The following RANBP17 variants were observed in gnomAD, a reference collection of about 807,000 sequenced individuals.
The protein encoded by RANBP17 is RAN binding protein 17, also known as ran-binding protein 17.
RANBP17 carries 158 observed loss-of-function variants against 141.2 expected under a neutral mutation model. That is an observed-to-expected ratio of 1.12 (90% CI 0.98 to 1.28). The LOEUF (loss-of-function observed/expected upper bound fraction) is 1.28, where lower values mean the gene tolerates loss of function less well. Among genes scored for constraint, RANBP17 ranks in the 50% most tolerant of loss-of-function variants. The pLI, the probability that RANBP17 is intolerant of heterozygous loss-of-function variation, is 0.00. For synonymous variants in RANBP17, 430 were observed against 450.0 expected (o/e 0.96, Z 0.56); for missense variants, 1,438 against 1,290.7 (o/e 1.11, Z -1.75).
intron 14 of RANBP17, among the ~76,000 whole-genome samples, chr5:170,974,339 T>A (rs76595888): frequency 0.013 from 1,987 of 152,308 alleles, 46 homozygotes; most frequent in African/African-American, 0.045. Flanking sequence ...ATGACAGGTC[T>A]TGAACACGTC....
chr5:171,028,240 A>T (rs924684255), intron 14 of RANBP17, among the ~76,000 whole-genome samples: 2 of 152,122 alleles, frequency 1.3e-5, no homozygotes, highest in Admixed American at 1.3e-4. Flanking sequence ...TGTAAGAAAG[A>T]CACATTATAT....
intron 14 of RANBP17, among the ~76,000 whole-genome samples, chr5:171,138,588 T>G (rs1757475670): frequency 6.6e-6 from 1 of 150,922 alleles, no homozygotes; most frequent in South Asian, 2.1e-4. Context: ...TAGTGCAGGC[T>G]TAGAGAACGA....
At chr5:170,966,992 G>A (rs572316561) in intron 13 of RANBP17, among the ~76,000 whole-genome samples, 4 of 152,244 alleles carry the variant, frequency 2.6e-5, no homozygotes, top group Middle Eastern at 3.4e-3. Flanking sequence ...TACAAGGGAC[G>A]TGAAGGACCT....
chr5:170,976,327 C>G (rs1327467768), intron 14 of RANBP17, among the ~76,000 whole-genome samples: 1 of 152,010 alleles, frequency 6.6e-6, no homozygotes, highest in Non-Finnish European at 1.5e-5. Context: ...ATTGTTGAAA[C>G]AAATTAAAGG....
intron 25 of RANBP17, among the ~76,000 whole-genome samples, chr5:171,291,068 C>T (rs1252907044): frequency 1.3e-5 from 2 of 152,224 alleles, no homozygotes; most frequent in South Asian, 2.1e-4. Context: ...TGATTGGCTC[C>T]AAAGCCTGGC....
chr5:171,081,210 C>T lies in RANBP17; in HGVS notation c.1711-88920C>T, dbSNP rs114191037. Among the ~76,000 whole-genome samples, 1,163 of 152,206 alleles carry T rather than the reference C, an allele frequency of 7.6e-3. 13 individuals are homozygous for T. The highest frequency in any genetic ancestry group is 0.027 in the African/African-American group (1,112 of 41,540). On this transcript the variant is annotated intron_variant, in intron 14 of 27. Transcript: ENST00000523189. ...GTTCTTGCCCTTGGTTCTATTTCTT[C>T]GGTAGTGGTATCTCTTATTTTCTTT...
At chr5:171,170,100 A>T in intron 14 of RANBP17, 30 bp from the exon 15 acceptor site, 1 of 1,244,332 alleles carries the variant, frequency 8.0e-7, no homozygotes. Context: ...TTAATAGTAA[A>T]ACTTTTAACA....
chr5:170,950,545 AC>A (rs1036965461), intron 12 of RANBP17, among the ~76,000 whole-genome samples: 1 of 152,128 alleles, frequency 6.6e-6, no homozygotes, highest in African/African-American at 2.4e-5. Context: ...ATGCCATCTT[AC>A]CCCAGTCAGA....
intron 14 of RANBP17, among the ~76,000 whole-genome samples, chr5:171,135,295 AAAG>A (rs1279614183): frequency 6.6e-6 from 1 of 151,750 alleles, no homozygotes; most frequent in African/African-American, 2.4e-5. Context: ...AAAAAAAAAA[AAAG>A]AATAATTTTA....
chr5:171,151,540 C>T (rs1758477766), intron 14 of RANBP17, among the ~76,000 whole-genome samples: 1 of 152,136 alleles, frequency 6.6e-6, no homozygotes, highest in Admixed American at 6.5e-5. Flanking sequence ...TTAATAAGTT[C>T]ATGAATTAAA....
chr5:171,138,485 G>A lies in RANBP17; in HGVS notation c.1711-31645G>A, dbSNP rs187941062. 9.3e-5 allele frequency among the ~76,000 whole-genome samples: 14 copies of A among 150,814 alleles called. No homozygotes were observed. The East Asian group carries it at 2.2e-3, about 23-fold the overall frequency. The stretch of plus-strand genomic sequence containing the variant: ...ATATATGGAGATTTTATACCCTCTT[G>A]CAGGCTCTTTTATCACAGTCCCACC... On this transcript the variant is annotated intron_variant, in intron 14 of 27. Transcript: ENST00000523189.
chr5:171,235,237 GA>G (rs780398475), intron 22 of RANBP17, among the ~76,000 whole-genome samples: 4 of 151,624 alleles, frequency 2.6e-5, no homozygotes, highest in Admixed American at 6.6e-5. Context: ...GGGCATAAAA[GA>G]GAATGAGAAG....
intron 14 of RANBP17, among the ~76,000 whole-genome samples, chr5:171,167,945 A>G (rs1167175144): frequency 1.3e-5 from 2 of 152,198 alleles, no homozygotes; most frequent in African/African-American, 4.8e-5. Context: ...TATGTGCTTA[A>G]TGGGAAAAGT....
At chr5:171,040,772 A>C (rs553269267) in intron 14 of RANBP17, among the ~76,000 whole-genome samples, 1 of 152,184 alleles carries the variant, frequency 6.6e-6, no homozygotes, top group Non-Finnish European at 1.5e-5. Context: ...GAAACAGAGA[A>C]GAGGAAACTA....
chr5:171,056,984 C>T (rs1482297309), intron 14 of RANBP17, among the ~76,000 whole-genome samples: 1 of 152,146 alleles, frequency 6.6e-6, no homozygotes, highest in Non-Finnish European at 1.5e-5. Context: ...AGAAAGGAAG[C>T]TAACTTTCAC....
intron 14 of RANBP17, among the ~76,000 whole-genome samples, chr5:171,057,734 G>C (rs1431165885): frequency 6.6e-6 from 1 of 152,018 alleles, no homozygotes. Context: ...GAAAGGAAAA[G>C]AGAAGGCACC....
chr5:171,110,092 A>T (rs892481185), intron 14 of RANBP17, among the ~76,000 whole-genome samples: 1 of 151,082 alleles, frequency 6.6e-6, no homozygotes, highest in Non-Finnish European at 1.5e-5. Flanking sequence ...ATCATATAAA[A>T]TTTTTTTTTC....
chr5:171,037,482 C>T (rs1332833084), intron 14 of RANBP17, among the ~76,000 whole-genome samples: 1 of 152,102 alleles, frequency 6.6e-6, no homozygotes, highest in East Asian at 1.9e-4. Flanking sequence ...GTTACAATTG[C>T]TTATGAGGAC....
chr5:170,936,238 C>T (rs1410611342), intron 12 of RANBP17, among the ~76,000 whole-genome samples: 1 of 152,152 alleles, frequency 6.6e-6, no homozygotes, highest in African/African-American at 2.4e-5. Flanking sequence ...ACCTCTTGCG[C>T]TTCCAGGGTG....
Sources: gnomAD v4.1 joint callset for allele counts (sites outside exome capture counted in the v4.1 genomes callset) on GRCh38, gnomAD v4.1.1 for gene constraint, MANE v1.5 for transcripts, NCBI Gene and HGNC (gene_info 2026-07-23, HGNC 2026-07-21) for gene names.